Variants in ADAM18 observed in about 807,000 individuals in gnomAD.
ADAM18 encodes the protein disintegrin and metalloproteinase domain-containing protein 18.
ADAM18 carries 117 observed loss-of-function variants against 94.4 expected under a neutral mutation model. The ratio of observed to expected loss-of-function variants is 1.24; its 90% CI spans 1.07 to 1.45. The LOEUF is 1.45. Ranked by LOEUF, ADAM18 falls within the 40% of genes most tolerant of loss-of-function variation. The pLI is 0.00. For missense variants in ADAM18, 936 were observed against 880.0 expected (o/e 1.06, Z -0.81); for synonymous variants, 327 against 291.6 (o/e 1.12, Z -1.24).
chr8:39,637,034 T>C (rs1376719), intron 7 of ADAM18, among the ~76,000 whole-genome samples: 9,630 of 51,718 alleles, frequency 0.19, 529 homozygotes, highest in Middle Eastern at 0.26. Context: ...TATATATATA[T>C]ATATATATAT....
At chr8:39,586,747 AAC>A (rs1818404668) in intron 2 of ADAM18, among the ~76,000 whole-genome samples, 1 of 148,352 alleles carries the variant, frequency 6.7e-6, no homozygotes, top group Non-Finnish European at 1.5e-5. Flanking sequence ...AAAACAAACA[AAC>A]AAAAAACTAT....
At chr8:39,722,186 A>C in intron 18 of ADAM18, among the ~76,000 whole-genome samples, 1 of 135,650 alleles carries the variant, frequency 7.4e-6, no homozygotes, top group Non-Finnish European at 1.6e-5. Context: ...TTTGTTGGTT[A>C]TACCGTGTGT....
At chr8:39,586,787 TC>T (rs1818411583) in intron 2 of ADAM18, among the ~76,000 whole-genome samples, 1 of 138,134 alleles carries the variant, frequency 7.2e-6, no homozygotes, top group African/African-American at 2.6e-5. Flanking sequence ...TATCTATCTA[TC>T]TATCTATCTA....
intron 16 of ADAM18, among the ~76,000 whole-genome samples, chr8:39,681,546 A>C (rs1821458911): frequency 6.6e-6 from 1 of 152,184 alleles, no homozygotes; most frequent in Non-Finnish European, 1.5e-5. Context: ...GCAACAGAAA[A>C]CTGATGCAGA....
At chr8:39,594,609 G>T (rs1444936063) in intron 2 of ADAM18, among the ~76,000 whole-genome samples, 1 of 151,084 alleles carries the variant, frequency 6.6e-6, no homozygotes, top group African/African-American at 2.4e-5. Flanking sequence ...AGATTTATGG[G>T]TCTTTTTTTT....
intron 6 of ADAM18, among the ~76,000 whole-genome samples, chr8:39,612,712 T>C (rs1388303075): frequency 2.6e-5 from 4 of 152,186 alleles, no homozygotes; most frequent in African/African-American, 9.7e-5. Context: ...GTCTGACATA[T>C]TCTTCTGGGG....
At chr8:39,653,909 C>G (rs1295207408) in intron 12 of ADAM18, among the ~76,000 whole-genome samples, 1 of 151,880 alleles carries the variant, frequency 6.6e-6, no homozygotes, top group East Asian at 1.9e-4. Flanking sequence ...TGCTATTGAA[C>G]ACTAGAACTT....
chr8:39,684,716 ACTT>A (rs1488907836), intron 16 of ADAM18, among the ~76,000 whole-genome samples: 1 of 152,184 alleles, frequency 6.6e-6, no homozygotes, highest in Non-Finnish European at 1.5e-5. Context: ...AGAAGAGACC[ACTT>A]CTTATATAGT....
intron 2 of ADAM18, among the ~76,000 whole-genome samples, chr8:39,590,381 G>A (rs902582376): frequency 1.3e-5 from 2 of 152,054 alleles, no homozygotes; most frequent in Non-Finnish European, 2.9e-5. Flanking sequence ...TGGGAATTGA[G>A]CAATGAGATC....
chr8:39,729,309 C>A (rs1320480033), intron 19 of ADAM18, among the ~76,000 whole-genome samples: 1 of 152,042 alleles, frequency 6.6e-6, no homozygotes. Context: ...CTGAACTGTA[C>A]ACTAAAAATG....
intron 18 of ADAM18, among the ~76,000 whole-genome samples, chr8:39,717,803 A>G (rs945163383): frequency 2.0e-5 from 3 of 151,568 alleles, no homozygotes; most frequent in Non-Finnish European, 3.0e-5. Flanking sequence ...TTTGCAAACC[A>G]TGTATCTGAT....
chr8:39,593,766 A>G (rs1040825244), intron 2 of ADAM18, among the ~76,000 whole-genome samples: 3 of 152,314 alleles, frequency 2.0e-5, no homozygotes, highest in Non-Finnish European at 2.9e-5. Context: ...TTATCATTAT[A>G]TAATGCCTTT....
chr8:39,648,473 G>A lies in ADAM18; in HGVS notation c.1176G>A (p.Val392=), dbSNP rs1359911211. The A allele has an allele frequency of 6.2e-7, 1 of 1,612,846 alleles. No homozygotes were observed. Among genetic ancestry groups the A allele is most frequent in the African/African-American group, 1.3e-5 (1 of 74,992 alleles). ...AACCATTACATCAAAATCAACCAGT[G>A]TGTGGTAATGGGATTTTGGAATCCA... ...NLQPLHQNQP[V]CGNGILESNE... Residue 392 remains valine, a synonymous_variant, in exon 12 of 20, where the codon GTG becomes GTA. Coordinates refer to ENST00000265707, the MANE Select transcript of ADAM18 (RefSeq NM_014237.3).
chr8:39,678,735 T>C (rs1171875005), intron 15 of ADAM18, among the ~76,000 whole-genome samples: 4 of 152,184 alleles, frequency 2.6e-5, no homozygotes, highest in African/African-American at 9.6e-5. Flanking sequence ...CTGGAAGAAA[T>C]TGTGAAAGTT....
intron 18 of ADAM18, among the ~76,000 whole-genome samples, chr8:39,707,821 C>G (rs1219678287): frequency 6.6e-6 from 1 of 151,948 alleles, no homozygotes; most frequent in Non-Finnish European, 1.5e-5. Context: ...AATATATTTT[C>G]CTTATGAAGT....
intron 14 of ADAM18, among the ~76,000 whole-genome samples, chr8:39,669,901 CA>C (rs1821106362): frequency 6.6e-6 from 1 of 152,172 alleles, no homozygotes; most frequent in Non-Finnish European, 1.5e-5. Context: ...CTGACTTCCA[CA>C]ATGGTTGAAC....
At chr8:39,677,765 A>G (rs1001884037) in intron 15 of ADAM18, among the ~76,000 whole-genome samples, 7 of 152,184 alleles carry the variant, frequency 4.6e-5, no homozygotes, top group Non-Finnish European at 8.8e-5. Context: ...AGAAGAAGAA[A>G]ATGGACACAC....
chr8:39,622,664 CTTA>C (rs1284819085), intron 6 of ADAM18, among the ~76,000 whole-genome samples: 3 of 151,902 alleles, frequency 2.0e-5, no homozygotes, highest in African/African-American at 4.8e-5. Context: ...TACAATCAAA[CTTA>C]TTAATTTTTC....
At chr8:39,681,420 G>C (rs1048742404) in intron 16 of ADAM18, among the ~76,000 whole-genome samples, 2 of 152,164 alleles carry the variant, frequency 1.3e-5, no homozygotes, top group Non-Finnish European at 2.9e-5. Flanking sequence ...CTTGTAAGAA[G>C]ACTGTGAAGC....
Sources: allele counts gnomAD v4.1 joint callset (sites outside exome capture counted in the v4.1 genomes callset), GRCh38; gene constraint gnomAD v4.1.1; transcripts MANE v1.5; gene names NCBI Gene and HGNC (gene_info 2026-07-23, HGNC 2026-07-21).